Variants in COL6A3 observed in about 807,000 individuals in gnomAD.
COL6A3 encodes collagen type VI alpha 3 chain.
COL6A3 carries 137 observed loss-of-function variants against 274.1 expected under a neutral mutation model. The ratio of observed to expected loss-of-function variants is 0.50; its 90% CI spans 0.44 to 0.58. The LOEUF (loss-of-function observed/expected upper bound fraction) is 0.58, where lower values mean the gene tolerates loss of function less well. Ranked by LOEUF, COL6A3 falls within the 20% of genes least tolerant of loss-of-function variation. The pLI is 0.00. For missense variants in COL6A3, 3,950 were observed against 4,124.9 expected, an observed-to-expected ratio of 0.96 and a Z score of 1.16; for synonymous variants, 1,650 against 1,650.6, an observed-to-expected ratio of 1.00 and a Z score of 0.01.
chr2:237,349,481 C>A (rs2077161738), intron 28 of COL6A3, among the ~76,000 whole-genome samples: 1 of 152,042 alleles, frequency 6.6e-6, no homozygotes, highest in Non-Finnish European at 1.5e-5. Flanking sequence ...GTTGAAAAGA[C>A]AAAAATGAAA....
chr2:237,363,309 C>T lies in COL6A3; in HGVS notation c.6007G>A (p.Asp2003Asn). The T allele has an allele frequency of 6.2e-7, 1 of 1,614,152 alleles. No homozygotes were observed. Among genetic ancestry groups the T allele is most frequent in the Non-Finnish European group, 8.5e-7 (1 of 1,180,034 alleles). ...HLEFGRGFMY[D>N]RPLRLNLLDL... Reference sequence around the variant, plus strand: ...AGCAAGTTAAGCCTCAGGGGCCTGTCATACATAAACCCTCGCCCAAACTCC... The same window carrying T: ...AGCAAGTTAAGCCTCAGGGGCCTGTTATACATAAACCCTCGCCCAAACTCC... Residue 2003 changes from aspartate (D) to asparagine (N), a missense_variant, in exon 14 of 44, where the codon GAC becomes AAC. By Grantham distance (23) the Asp-to-Asn change is conservative. This residue lies in a region of COL6A3 where 632 missense variants were observed against 623.4 expected (regional missense o/e 1.01). Transcript: ENST00000295550.
rs955304159 is a variant in COL6A3 at position 237,362,027 on chromosome 2, C to T, written c.6064-196G>A. On this transcript the variant is annotated intron_variant, in intron 14 of 43. Coordinates refer to ENST00000295550, the MANE Select transcript of COL6A3 (RefSeq NM_004369.4). Reference sequence around the variant, plus strand: ...GAAGTCAGGAGGGCCCAGCTCCTGGCGGTCGGGGTGCAGATGGGAGGTCAC... The same window carrying T: ...GAAGTCAGGAGGGCCCAGCTCCTGGTGGTCGGGGTGCAGATGGGAGGTCAC... Among the ~76,000 whole-genome samples the T allele has an allele frequency of 3.3e-5, 5 of 152,226 alleles. No individual in the cohort carries two copies. In the South Asian group the frequency reaches 6.2e-4, roughly 19 times the overall value.
Position 237,361,908 on chromosome 2 carries a change from T to A in COL6A3, c.6064-77A>T. On this transcript the variant is annotated intron_variant, in intron 14 of 43. Transcript: ENST00000295550. The surrounding 1 kb of genome is among the most constrained non-coding windows in gnomAD (Gnocchi z 5.1). ...GAAAATCATAAATGCGCTTTAAGGG[T>A]CAAAATCGGATGTGTGGGGGTTTCA... 1.5e-6 allele frequency: 2 copies of A among 1,295,248 alleles called. No individual in the cohort carries two copies. Among genetic ancestry groups the A allele is most frequent in the South Asian group, 2.4e-5 (2 of 84,136 alleles). 80.2% of individuals were successfully genotyped at this position (1,295,248 alleles called of 1,614,324 possible). A position where few individuals can be genotyped will look rare whatever the true frequency, so the allele number is the denominator to read the frequency against.
In COL6A3 at chr2:237,341,089, C is replaced by T. The variant is rs1156874736; in HGVS notation, c.7827G>A (p.Arg2609=). 4 of 1,614,076 alleles carry T rather than the reference C, an allele frequency of 2.5e-6. No homozygotes were observed. Among genetic ancestry groups the T allele is most frequent in the African/African-American group, 1.3e-5 (1 of 74,928 alleles). The change falls in exon 38 of 44, where the codon AGG becomes AGA. Residue 2609 remains arginine, a synonymous_variant. Transcript: ENST00000295550. ...FGSWRPSFRD[R]RAAGSDVDID... is the part of the protein sequence containing the mutation. ...TGTCCACATCGCTCCCTGCCGCTCT[C>T]CTGTCCCTGAAGGAAGGCCTCCAAC... is the stretch of plus-strand genomic sequence containing the variant.
chr2:237,392,838 G>A (rs2078326326), intron 3 of COL6A3, among the ~76,000 whole-genome samples: 1 of 152,176 alleles, frequency 6.6e-6, no homozygotes, highest in Non-Finnish European at 1.5e-5. Flanking sequence ...GGTTTCTGCA[G>A]TGGCTGGCTC....
chr2:237,401,251 A>G (rs1432181997), intron 1 of COL6A3, among the ~76,000 whole-genome samples: 3 of 152,238 alleles, frequency 2.0e-5, no homozygotes, highest in Admixed American at 6.5e-5. Flanking sequence ...TATATCCAAA[A>G]GAAGTGAAAA....
intron 1 of COL6A3, among the ~76,000 whole-genome samples, chr2:237,408,435 G>A (rs1417896861): frequency 6.6e-6 from 1 of 152,218 alleles, no homozygotes. Flanking sequence ...GCACCGCCGG[G>A]CCGGCTGTGG....
chr2:237,356,770 A>G (rs1262453761), intron 23 of COL6A3: 2 of 163,256 alleles, frequency 1.2e-5, no homozygotes, highest in African/African-American at 4.8e-5. Flanking sequence ...TGGCTTCAGA[A>G]AGATCATTCA....
intron 3 of COL6A3, among the ~76,000 whole-genome samples, chr2:237,391,972 C>T (rs1240453395): frequency 6.6e-6 from 1 of 152,096 alleles, no homozygotes; most frequent in Non-Finnish European, 1.5e-5. Context: ...GTTTGGGGTG[C>T]TCTTGGAGAC....
chr2:237,382,989 G>A (rs2078047703), intron 4 of COL6A3, among the ~76,000 whole-genome samples: 1 of 152,056 alleles, frequency 6.6e-6, no homozygotes, highest in African/African-American at 2.4e-5. Context: ...GGTAGAGATG[G>A]GGTTTCACCA....
In COL6A3 at chr2:237,387,814, G is replaced by C; in HGVS notation, c.1080C>G (p.Asp360Glu). Residue 360 changes from aspartate (D) to glutamate (E), a missense_variant, in exon 4 of 44, where the codon GAC (aspartate) becomes GAG (glutamate). Asp to Glu is a conservative substitution (Grantham distance 45). Coordinates refer to ENST00000295550, the MANE Select transcript of COL6A3 (RefSeq NM_004369.4). ...LVLISAGPSSDEIRYGVVALK... is the reference protein window; with the variant it reads ...LVLISAGPSSEEIRYGVVALK... ...GTGCTACCACCCCGTAGCGAATCTC[G>C]TCACTAGAAGGCCCGGCACTTATGA... 1.2e-6 allele frequency: 2 copies of C among 1,614,148 alleles called. No individual in the cohort carries two copies. The highest frequency in any genetic ancestry group is 2.2e-5 in the South Asian group (2 of 91,072).
chr2:237,399,020 A>G (rs2078522496), intron 1 of COL6A3, among the ~76,000 whole-genome samples: 1 of 152,176 alleles, frequency 6.6e-6, no homozygotes, highest in Non-Finnish European at 1.5e-5. Flanking sequence ...TTACAGGAAA[A>G]AATGGGGGTG....
chr2:237,336,495 T>C lies in COL6A3; in HGVS notation c.8605A>G (p.Asn2869Asp). The change falls in exon 40 of 44, where the codon AAC becomes GAC. Residue 2869 changes from asparagine to aspartate, a missense_variant. Transcript: ENST00000295550. ...PNNVTSSPTS[N>D]PVTTTKPVTT... The stretch of plus-strand genomic sequence containing the variant: ...ACCGGCTTCGTTGTCGTCACTGGGT[T>C]GGATGTAGGACTTGAAGTAACGTTA... The C allele has an allele frequency of 6.2e-7, 1 of 1,614,268 alleles. No homozygotes were observed. The highest frequency in any genetic ancestry group is 8.5e-7 in the Non-Finnish European group (1 of 1,180,054).
At chr2:237,351,344 C>G in intron 26 of COL6A3, 152 bp from the exon 27 acceptor site, 1 of 727,002 alleles carries the variant, frequency 1.4e-6, no homozygotes, top group South Asian at 1.5e-5. Context: ...CAGCTCTGAG[C>G]ACGGGGCTAC....
At chr2:237,330,536 T>C (rs542675290) in intron 42 of COL6A3, among the ~76,000 whole-genome samples, 17 of 152,300 alleles carry the variant, frequency 1.1e-4, no homozygotes, top group Middle Eastern at 3.4e-3. Context: ...AATCAAATCA[T>C]GTAATATTGT....
In COL6A3 at chr2:237,364,498, T is replaced by C; in HGVS notation, c.5839-70A>G. 8.3e-7 allele frequency: 1 copy of C among 1,210,616 alleles called. No homozygotes were observed. The highest frequency in any genetic ancestry group is 1.2e-5 in the South Asian group (1 of 83,052). 75.0% of individuals were successfully genotyped at this position (1,210,616 alleles called of 1,614,324 possible). On this transcript the variant is annotated intron_variant, in intron 12 of 43. Transcript: ENST00000295550. This position sits in a 1 kb window ranked among gnomAD's most constrained non-coding sequence, Gnocchi z 4.6. ...GTGTTGCAGACTGCTGATAGAAAAC[T>C]GAGAGACTCGCTGTCTCAAGCCCTT... is the stretch of plus-strand genomic sequence containing the variant.
intron 42 of COL6A3, chr2:237,325,982 A>C: frequency 1.1e-5 from 4 of 370,328 alleles, no homozygotes; most frequent in East Asian, 4.3e-5. Context: ...AGAATCCCAA[A>C]TGCTGGCAAT....
In COL6A3 at chr2:237,334,789, G is replaced by A. The variant is rs1700446881; in HGVS notation, c.9066C>T (p.Leu3022=). The change falls in exon 41 of 44, where the codon CTC becomes CTT. Residue 3022 remains leucine, a synonymous_variant. Coordinates refer to ENST00000295550, the MANE Select transcript of COL6A3 (RefSeq NM_004369.4). ...ACTGATCATGGGCTGAGGTGACGGT[G>A]AGGTCATAAAAATAAGGACCGGGGG... ...AEPPGPYFYD[L]TVTSAHDQSL... is the part of the protein sequence containing the mutation. The A allele has an allele frequency of 3.1e-6, 5 of 1,614,056 alleles. No individual in the cohort carries two copies. The highest frequency in any genetic ancestry group is 3.3e-5 in the Admixed American group (2 of 59,996).
intron 25 of COL6A3, among the ~76,000 whole-genome samples, 170 bp downstream of exon 25, chr2:237,353,171 G>A (rs2077243788): frequency 6.6e-6 from 1 of 152,216 alleles, no homozygotes; most frequent in Non-Finnish European, 1.5e-5. Context: ...TCGAGACTGT[G>A]TTTTGAACCT....
Sources: gnomAD v4.1 joint callset for allele counts (sites outside exome capture counted in the v4.1 genomes callset) on GRCh38, gnomAD v4.1.1 for gene constraint, gnomAD v4.1.1 regional missense constraint, Gnocchi (gnomAD v3.1) non-coding constraint, MANE v1.5 for transcripts, NCBI Gene and HGNC (gene_info 2026-07-23, HGNC 2026-07-21) for gene names.